The following ZBTB37 variants were observed in gnomAD, a reference collection of about 807,000 sequenced individuals.
ZBTB37 encodes the protein zinc finger and BTB domain-containing protein 37.
A neutral mutation model predicts 37.7 loss-of-function variants in ZBTB37; 15 were observed. The observed-to-expected ratio is 0.40, with a 90% CI of 0.27 to 0.61. The LOEUF is 0.61. Ranked by LOEUF, ZBTB37 falls within the 20% of genes least tolerant of loss-of-function variation. The pLI is 0.44. For synonymous variants in ZBTB37, 231 were observed against 220.6 expected, an observed-to-expected ratio of 1.05 and a Z score of -0.42; for missense variants, 514 against 641.9, an observed-to-expected ratio of 0.80 and a Z score of 2.15.
At chr1:173,870,803 C>A in exon 3 of ZBTB37, 1 of 1,614,228 alleles carries the variant, frequency 6.2e-7, no homozygotes, top group Non-Finnish European at 8.5e-7. Context: ...CCTGAGGAGT[C>A]CACCAGCCCT....
chr1:173,875,528 T>C (rs921069170), intron 4 of ZBTB37, among the ~76,000 whole-genome samples: 8 of 151,916 alleles, frequency 5.3e-5, no homozygotes, highest in African/African-American at 1.5e-4. Flanking sequence ...GGTTTCACCA[T>C]GTGGGCCAGG....
chr1:173,894,065 T>G (rs996056610), exon 4 of ZBTB37: 2 of 152,232 alleles, frequency 1.3e-5, no homozygotes, highest in African/African-American at 2.4e-5. Flanking sequence ...AGTAAGTGAT[T>G]AGAAGGTTCT....
At chr1:173,874,642 C>T (rs180704907) in intron 4 of ZBTB37, among the ~76,000 whole-genome samples, 248 of 152,138 alleles carry the variant, frequency 1.6e-3, no homozygotes, top group African/African-American at 5.7e-3. Context: ...TGAGCCACTG[C>T]ACCCAGCCAC....
At chr1:173,876,522 T>C (rs1655978531) in intron 4 of ZBTB37, among the ~76,000 whole-genome samples, 1 of 152,100 alleles carries the variant, frequency 6.6e-6, no homozygotes, top group South Asian at 2.1e-4. Flanking sequence ...TTCACCATAT[T>C]GGTCAGGCTG....
chr1:173,881,844 G>A (rs536971337), intron 4 of ZBTB37, among the ~76,000 whole-genome samples: 1 of 152,198 alleles, frequency 6.6e-6, no homozygotes, highest in Non-Finnish European at 1.5e-5. Flanking sequence ...CACAAGGTCA[G>A]GAGATCAAGA....
exon 4 of ZBTB37, chr1:173,896,787 T>C (rs1657062975): frequency 6.6e-6 from 1 of 152,210 alleles, no homozygotes; most frequent in Admixed American, 6.5e-5. Context: ...AGTAATAGAA[T>C]CCTAACTATA....
intron 4 of ZBTB37, among the ~76,000 whole-genome samples, chr1:173,878,902 A>G (rs1656131961): frequency 6.6e-6 from 1 of 152,100 alleles, no homozygotes; most frequent in African/African-American, 2.4e-5. Flanking sequence ...AAGCCTGGCT[A>G]ACATGGTGAA....
intron 2 of ZBTB37, 139 bp downstream of exon 2, chr1:173,869,259 T>C (rs1655320682): frequency 6.6e-6 from 1 of 152,222 alleles, no homozygotes; most frequent in Non-Finnish European, 1.5e-5. Context: ...CTATGTAATA[T>C]ATAGATAAGT....
exon 4 of ZBTB37, chr1:173,897,870 T>C (rs1557897131): frequency 6.6e-6 from 1 of 152,224 alleles, no homozygotes; most frequent in Non-Finnish European, 1.5e-5. Flanking sequence ...CTGAAATTCT[T>C]ATCATGTTCA....
At chr1:173,879,068 G>A (rs1207940491) in intron 4 of ZBTB37, among the ~76,000 whole-genome samples, 2 of 150,164 alleles carry the variant, frequency 1.3e-5, no homozygotes, top group African/African-American at 4.9e-5. Flanking sequence ...TCCAGCCCGG[G>A]GAACAAGAGC....
At chr1:173,872,990 G>C (rs993282556) in intron 3 of ZBTB37, among the ~76,000 whole-genome samples, 3 of 149,126 alleles carry the variant, frequency 2.0e-5, no homozygotes, top group Middle Eastern at 3.6e-3. Context: ...CTGGGCAACA[G>C]AGCAAGACTC....
At chr1:173,874,511 C>T (rs542063860) in intron 4 of ZBTB37, among the ~76,000 whole-genome samples, 21 of 151,786 alleles carry the variant, frequency 1.4e-4, no homozygotes, top group Non-Finnish European at 2.2e-4. Flanking sequence ...CCACCACGCC[C>T]GGCTAATTAT....
exon 4 of ZBTB37, chr1:173,895,841 TC>T (rs1265095225): frequency 6.6e-6 from 1 of 152,206 alleles, no homozygotes; most frequent in Non-Finnish European, 1.5e-5. Context: ...ACTAGACTGT[TC>T]CTGCTCTGAG....
At chr1:173,889,792 C>G (rs1292006034), downstream of ZBTB37, 1 of 152,170 alleles carries the variant, frequency 6.6e-6, no homozygotes, top group Admixed American at 6.5e-5. Flanking sequence ...AATCTAATCT[C>G]AAATACATAA....
chr1:173,886,156 C>G, exon 5 of ZBTB37: 1 of 1,530,190 alleles, frequency 6.5e-7, no homozygotes, highest in Non-Finnish European at 8.8e-7. Context: ...GACCCTCTTC[C>G]CCTATGAGCC....
intron 4 of ZBTB37, among the ~76,000 whole-genome samples, chr1:173,876,927 T>A (rs1035838128): frequency 1.3e-5 from 2 of 152,194 alleles, no homozygotes; most frequent in African/African-American, 4.8e-5. Context: ...TGGTATAACC[T>A]ACTGCACACC....
In ZBTB37 at chr1:173,886,406, T is replaced by C. The variant is rs184397709; in HGVS notation, c.*282T>C. 2.6e-4 allele frequency: 105 copies of C among 410,830 alleles called. No individual in the cohort carries two copies. In the East Asian group the frequency reaches 4.6e-3, roughly 18 times the overall value. The allele number at this position is 410,830 out of a possible 1,614,324, so 25.4% of individuals were successfully genotyped here. On this transcript the variant is annotated 3_prime_UTR_variant, in exon 5 of 5. Coordinates refer to ENST00000427304, the Ensembl canonical transcript of ZBTB37. ...GTTAACTTTATAAGAAAAAAGGTTT[T>C]TTAACAAAACGATGATGATAAATGG...
chr1:173,887,084 A>G (rs1040119579), downstream of ZBTB37: 3 of 152,150 alleles, frequency 2.0e-5, no homozygotes, highest in Admixed American at 6.5e-5. Flanking sequence ...CAAAAATGTC[A>G]CTTTCCAGTG....
exon 3 of ZBTB37, chr1:173,870,783 G>C: frequency 1.9e-6 from 3 of 1,614,204 alleles, no homozygotes; most frequent in Non-Finnish European, 2.5e-6. Context: ...ATATCAGAGA[G>C]CTAAGTCCTC....
Sources: allele counts gnomAD v4.1 joint callset (sites outside exome capture counted in the v4.1 genomes callset), GRCh38; gene constraint gnomAD v4.1.1; transcripts MANE v1.5; gene names NCBI Gene and HGNC (gene_info 2026-07-23, HGNC 2026-07-21).